GALNTL6: variants seen among roughly 807,000 people sequenced by gnomAD.
The protein encoded by GALNTL6 is polypeptide N-acetylgalactosaminyltransferase like 6.
GALNTL6 carries 46 observed loss-of-function variants against 73.7 expected under a neutral mutation model. The ratio of observed to expected loss-of-function variants is 0.62; its 90% confidence interval spans 0.49 to 0.80. The LOEUF (loss-of-function observed/expected upper bound fraction) is 0.80, where lower values mean the gene tolerates loss of function less well. Ranked by LOEUF, GALNTL6 falls within the 30% of genes least tolerant of loss-of-function variation. The pLI is 0.00. For synonymous variants in GALNTL6, 259 were observed against 263.7 expected (o/e 0.98, Z 0.17); for missense variants, 604 against 755.0 (o/e 0.80, Z 2.34).
intron 5 of GALNTL6, among the ~76,000 whole-genome samples, chr4:172,587,135 G>T (rs1341749752): frequency 8.6e-6 from 1 of 115,718 alleles, no homozygotes; most frequent in African/African-American, 2.5e-5. Context: ...AGAAAATTGT[G>T]TAGAAAAAAT....
chr4:172,923,146 G>T (rs1274897522), intron 8 of GALNTL6, among the ~76,000 whole-genome samples: 1 of 152,168 alleles, frequency 6.6e-6, no homozygotes, highest in African/African-American at 2.4e-5. Context: ...TTATTAGTTT[G>T]TTTTCATGCT....
chr4:171,971,766 T>C (rs1453128673), intron 2 of GALNTL6, among the ~76,000 whole-genome samples: 2 of 152,216 alleles, frequency 1.3e-5, no homozygotes, highest in Non-Finnish European at 2.9e-5. Context: ...AACCAAAAAT[T>C]GTTTTGTTGG....
chr4:172,951,917 C>T, intron 9 of GALNTL6, 120 bp from the exon 10 acceptor site: 1 of 707,626 alleles, frequency 1.4e-6, no homozygotes, highest in East Asian at 2.7e-5. Flanking sequence ...AAACCACCAA[C>T]CAGGGCTGCC....
At chr4:172,907,632 A>T (rs1411007639) in intron 8 of GALNTL6, among the ~76,000 whole-genome samples, 4 of 152,230 alleles carry the variant, frequency 2.6e-5, no homozygotes, top group Non-Finnish European at 5.9e-5. Flanking sequence ...AACCATGGAT[A>T]GTACCAAATC....
chr4:172,580,802 G>A (rs1011584000), intron 5 of GALNTL6, among the ~76,000 whole-genome samples: 3 of 152,234 alleles, frequency 2.0e-5, no homozygotes, highest in Non-Finnish European at 2.9e-5. Flanking sequence ...TTTTTGAGAC[G>A]GAGTTTCGCT....
At chr4:172,065,916 A>T (rs1300699274) in intron 2 of GALNTL6, among the ~76,000 whole-genome samples, 2 of 151,502 alleles carry the variant, frequency 1.3e-5, no homozygotes, top group Admixed American at 6.6e-5. Flanking sequence ...GCATGGGGGA[A>T]CCTCCCCCAT....
chr4:171,866,555 T>C (rs1247048021), intron 2 of GALNTL6, among the ~76,000 whole-genome samples: 1 of 152,168 alleles, frequency 6.6e-6, no homozygotes, highest in Non-Finnish European at 1.5e-5. Flanking sequence ...TTGAAAATGA[T>C]TTGAAATTAT....
intron 2 of GALNTL6, among the ~76,000 whole-genome samples, chr4:171,918,034 A>AT (rs1737677532): frequency 6.6e-6 from 1 of 152,074 alleles, no homozygotes; most frequent in Non-Finnish European, 1.5e-5. Context: ...TATGTAACAA[A>AT]TTCTGTCAAG....
intron 5 of GALNTL6, among the ~76,000 whole-genome samples, chr4:172,447,895 A>C (rs1396563099): frequency 2.6e-5 from 4 of 152,204 alleles, no homozygotes; most frequent in African/African-American, 9.6e-5. Context: ...CTAAGGAATA[A>C]GTTGTCTCCC....
chr4:171,899,826 A>C (rs1737028557), intron 2 of GALNTL6, among the ~76,000 whole-genome samples: 1 of 152,154 alleles, frequency 6.6e-6, no homozygotes, highest in Non-Finnish European at 1.5e-5. Flanking sequence ...TTCTTAACAC[A>C]ATTAACTAAA....
chr4:171,903,878 G>A (rs1186202639), intron 2 of GALNTL6, among the ~76,000 whole-genome samples: 2 of 152,066 alleles, frequency 1.3e-5, no homozygotes. Flanking sequence ...CCCCCAGCAG[G>A]GGCAGACTGA....
chr4:172,040,237 A>G (rs559041861), intron 2 of GALNTL6, among the ~76,000 whole-genome samples: 2 of 152,232 alleles, frequency 1.3e-5, no homozygotes, highest in South Asian at 2.1e-4. Flanking sequence ...TCAATAACCA[A>G]CAATTTAAAT....
intron 8 of GALNTL6, among the ~76,000 whole-genome samples, chr4:172,927,825 G>T (rs1748136338): frequency 6.6e-6 from 1 of 152,110 alleles, no homozygotes; most frequent in South Asian, 2.1e-4. Context: ...GGCCTTTTAT[G>T]ACCTATCTTC....
At chr4:172,913,462 C>T (rs946217558) in intron 8 of GALNTL6, among the ~76,000 whole-genome samples, 3 of 152,080 alleles carry the variant, frequency 2.0e-5, no homozygotes, top group African/African-American at 7.2e-5. Context: ...GGAGGATGTT[C>T]GAGCCCATTG....
At chr4:172,058,445 T>C (rs1183258210) in intron 2 of GALNTL6, among the ~76,000 whole-genome samples, 2 of 152,178 alleles carry the variant, frequency 1.3e-5, no homozygotes, top group African/African-American at 2.4e-5. Context: ...CAATTTTGTT[T>C]CCATTCATTT....
intron 5 of GALNTL6, among the ~76,000 whole-genome samples, chr4:172,441,319 A>C (rs1245257902): frequency 1.3e-5 from 2 of 152,134 alleles, no homozygotes; most frequent in Admixed American, 6.6e-5. Context: ...TCTGTAAATC[A>C]AGAAATATTG....
chr4:172,529,871 A>AT, intron 5 of GALNTL6, among the ~76,000 whole-genome samples: 1 of 124,008 alleles, frequency 8.1e-6, no homozygotes, highest in East Asian at 2.3e-4. Context: ...TATTTTATTT[A>AT]TTTATTTATT....
chr4:172,171,674 C>A (rs78965664), intron 2 of GALNTL6, among the ~76,000 whole-genome samples: 131 of 126,446 alleles, frequency 1.0e-3, no homozygotes, highest in East Asian at 1.5e-3. Context: ...ATCAAAAATA[C>A]AAAAAAAAAA....
chr4:172,136,232 A>C (rs925651984), intron 2 of GALNTL6, among the ~76,000 whole-genome samples: 5 of 152,100 alleles, frequency 3.3e-5, no homozygotes, highest in African/African-American at 1.2e-4. Flanking sequence ...TGAAAATCTG[A>C]AACTATTTGA....
Sources: gnomAD v4.1 joint callset for allele counts (sites outside exome capture counted in the v4.1 genomes callset) on GRCh38, gnomAD v4.1.1 for gene constraint, MANE v1.5 for transcripts, NCBI Gene and HGNC (gene_info 2026-07-23, HGNC 2026-07-21) for gene names.